The following COL13A1 variants were observed in gnomAD, a reference collection of about 807,000 sequenced individuals.
COL13A1 encodes collagen alpha-1(XIII) chain.
In COL13A1, 89 loss-of-function variants were observed where a neutral mutation model predicts 130.9. That is an observed-to-expected ratio of 0.68 (90% confidence interval 0.57 to 0.81). The LOEUF (loss-of-function observed/expected upper bound fraction) is 0.81. Among genes scored for constraint, COL13A1 ranks in the 30% least tolerant of loss-of-function variants. COL13A1 has a pLI of 0.00. For missense variants in COL13A1, 879 were observed against 934.6 expected, an observed-to-expected ratio of 0.94 and a Z score of 0.78; for synonymous variants, 402 against 341.6, an observed-to-expected ratio of 1.18 and a Z score of -1.95.
intron 17 of COL13A1, among the ~76,000 whole-genome samples, chr10:69,907,635 A>G (rs1444725095): frequency 6.6e-6 from 1 of 151,516 alleles, no homozygotes; most frequent in Non-Finnish European, 1.5e-5. Flanking sequence ...CACTCCCACA[A>G]TAACTAACCC....
At chr10:69,933,861 C>T (rs534750626) in intron 31 of COL13A1, among the ~76,000 whole-genome samples, 5 of 152,160 alleles carry the variant, frequency 3.3e-5, no homozygotes, top group South Asian at 2.1e-4. Flanking sequence ...TGCCAAGCAC[C>T]GCACTAAGCC....
At chr10:69,917,476 T>C (rs530032891) in intron 18 of COL13A1, 143 bp downstream of exon 18, 3 of 743,612 alleles carry the variant, frequency 4.0e-6, no homozygotes, top group South Asian at 3.7e-5. Flanking sequence ...AGCTGCAGCA[T>C]TGTGGTCTCT....
chr10:69,809,225 G>C (rs939241871), intron 1 of COL13A1, among the ~76,000 whole-genome samples: 6 of 152,222 alleles, frequency 3.9e-5, no homozygotes, highest in African/African-American at 1.4e-4. Context: ...TTACAGGGTT[G>C]TTGTAGGATT....
chr10:69,873,087 C>G (rs1057396004), intron 4 of COL13A1, among the ~76,000 whole-genome samples: 2 of 152,186 alleles, frequency 1.3e-5, no homozygotes, highest in Admixed American at 1.3e-4. Context: ...AGGTAAGATG[C>G]TGCAGCCGGT....
At chr10:69,914,947 G>A (rs1418837001) in intron 17 of COL13A1, among the ~76,000 whole-genome samples, 1 of 152,228 alleles carries the variant, frequency 6.6e-6, no homozygotes, top group Admixed American at 6.5e-5. Context: ...CAGACCTAAG[G>A]ACCCCCACCA....
intron 1 of COL13A1, among the ~76,000 whole-genome samples, chr10:69,804,757 A>G (rs566463123): frequency 1.2e-3 from 165 of 137,160 alleles, no homozygotes; most frequent in African/African-American, 4.3e-3. Context: ...CTAAACTTAC[A>G]TACAGGGAAG....
At chr10:69,945,821 C>T in intron 37 of COL13A1, 97 bp downstream of exon 37, 2 of 1,487,218 alleles carry the variant, frequency 1.3e-6, no homozygotes, top group Non-Finnish European at 1.8e-6. Flanking sequence ...ACCTGTAATC[C>T]CAGCACTTTG....
At chr10:69,877,647 T>A (rs1029152744) in intron 5 of COL13A1, 4 of 211,014 alleles carry the variant, frequency 1.9e-5, no homozygotes, top group African/African-American at 9.2e-5. Flanking sequence ...TCTCTCCCAT[T>A]GTCTGGCTTT....
chr10:69,895,426 C>T (rs2061540017), intron 12 of COL13A1, 124 bp from the exon 13 acceptor site: 2 of 1,069,436 alleles, frequency 1.9e-6, no homozygotes, highest in African/African-American at 1.6e-5. Flanking sequence ...CAGACCAAAA[C>T]TAGAGCAGGA....
intron 2 of COL13A1, among the ~76,000 whole-genome samples, chr10:69,843,126 A>AG (rs1852055539): frequency 6.6e-6 from 1 of 151,980 alleles, no homozygotes; most frequent in Non-Finnish European, 1.5e-5. Context: ...ACAGCAGGAG[A>AG]GGGGGCCCAG....
intron 39 of COL13A1, among the ~76,000 whole-genome samples, chr10:69,953,789 T>C (rs2070082770): frequency 6.6e-6 from 1 of 152,202 alleles, no homozygotes; most frequent in Non-Finnish European, 1.5e-5. Flanking sequence ...GCACAAAAGC[T>C]GGATTTGGGA....
At position 69,880,570 on chromosome 10, in the gene COL13A1, C is replaced by T. The variant is rs2060031456; in HGVS notation, c.513+17C>T. The T allele has an allele frequency of 6.2e-7, 1 of 1,612,616 alleles. No individual in the cohort carries two copies. Among genetic ancestry groups the T allele is most frequent in the African/African-American group, 1.3e-5 (1 of 74,900 alleles). ...GGCCCCCCTGTAAGTTGTTTTTGCTCTTCCTCGGGGTGTTGGGGGGATGGG... is the reference window on the plus strand; with the variant it reads ...GGCCCCCCTGTAAGTTGTTTTTGCTTTTCCTCGGGGTGTTGGGGGGATGGG... On this transcript the variant is annotated intron_variant, in intron 7 of 40. Transcript: ENST00000645393.
At chr10:69,925,148 T>C in intron 25 of COL13A1, 141 bp downstream of exon 25, 1 of 813,440 alleles carries the variant, frequency 1.2e-6, no homozygotes, top group Non-Finnish European at 1.8e-6. Context: ...TCTGTGCCTT[T>C]TGCCAAAGAT....
chr10:69,934,422 C>T (rs1322259900), intron 31 of COL13A1, among the ~76,000 whole-genome samples: 2 of 152,208 alleles, frequency 1.3e-5, no homozygotes, highest in African/African-American at 2.4e-5. Flanking sequence ...GTCCACAGGT[C>T]CAGGAAACAA....
intron 2 of COL13A1, among the ~76,000 whole-genome samples, chr10:69,829,093 T>C (rs1310286168): frequency 6.6e-6 from 1 of 151,894 alleles, no homozygotes. Flanking sequence ...TTTCCAACAT[T>C]CTCGACCTCT....
chr10:69,958,564 T>C, intron 40 of COL13A1, 135 bp from the exon 41 acceptor site: 2 of 1,383,736 alleles, frequency 1.4e-6, no homozygotes, highest in South Asian at 1.3e-5. Flanking sequence ...ACCTAGGGGC[T>C]CAGGGTTCCC....
intron 39 of COL13A1, among the ~76,000 whole-genome samples, 179 bp downstream of exon 39, chr10:69,953,147 C>G (rs574650700): frequency 1.2e-4 from 19 of 152,352 alleles, no homozygotes; most frequent in African/African-American, 4.6e-4. Context: ...TTTGTAACCA[C>G]AGCTGCAAGT....
At chr10:69,875,949 C>G (rs540587657) in intron 5 of COL13A1, among the ~76,000 whole-genome samples, 48 of 152,342 alleles carry the variant, frequency 3.2e-4, no homozygotes, top group African/African-American at 1.1e-3. Context: ...CCCCTGACCA[C>G]CCCCATGTCA....
chr10:69,805,253 CA>C (rs1472199686), intron 1 of COL13A1, among the ~76,000 whole-genome samples: 1 of 152,034 alleles, frequency 6.6e-6, no homozygotes, highest in Non-Finnish European at 1.5e-5. Flanking sequence ...TTACGGCTGG[CA>C]AAGCAGTAAG....
Sources: gnomAD v4.1 joint callset for allele counts (sites outside exome capture counted in the v4.1 genomes callset) on GRCh38, gnomAD v4.1.1 for gene constraint, MANE v1.5 for transcripts, NCBI Gene and HGNC (gene_info 2026-07-23, HGNC 2026-07-21) for gene names.